The following GLIPR1 variants were observed in gnomAD, a reference collection of about 807,000 sequenced individuals.
GLIPR1 encodes the protein GLI pathogenesis related 1, also known as glioma pathogenesis-related protein 1.
Under a neutral mutation model 30.3 loss-of-function variants are expected in GLIPR1, and 38 were observed. The ratio of observed to expected loss-of-function variants is 1.26; its 90% CI spans 0.97 to 1.65. GLIPR1 has a LOEUF of 1.65. Ranked by LOEUF, GLIPR1 falls within the 40% of genes most tolerant of loss-of-function variation. The pLI is 0.00. For missense variants in GLIPR1, 285 were observed against 326.5 expected (o/e 0.87, Z 0.98); for synonymous variants, 122 against 110.6 (o/e 1.10, Z -0.65).
In GLIPR1 at chr12:75,501,843, A is replaced by C; in HGVS notation, c.*2865A>C. On this transcript the variant is annotated 3_prime_UTR_variant, in exon 6 of 6. Transcript: ENST00000266659. ...TACATTAATAAATAAAAAATATATC[A>C]GTTAAATGTATTTATAGTTAAATAA... The C allele has an allele frequency of 6.4e-7, 1 of 1,563,010 alleles. No homozygotes were observed. The highest frequency in any genetic ancestry group is 8.8e-7 in the Non-Finnish European group (1 of 1,142,688).
At position 75,501,916 on chromosome 12, in the gene GLIPR1, G is replaced by A; in HGVS notation, c.*2938G>A. The A allele has an allele frequency of 1.2e-6, 2 of 1,607,372 alleles. No individual in the cohort carries two copies. ...TATTCATGTGAGCCAGACATAAAGT[G>A]CCGTACCTTTATTGCTTCCATTTTC... On this transcript the variant is annotated 3_prime_UTR_variant, in exon 6 of 6. Coordinates refer to ENST00000266659, the MANE Select transcript of GLIPR1 (RefSeq NM_006851.3).
intron 3 of GLIPR1, chr12:75,491,160 A>G (rs1205074889): frequency 1.4e-5 from 2 of 139,248 alleles, no homozygotes; most frequent in Non-Finnish European, 3.3e-5. Context: ...AAGTGATTTT[A>G]ATCATAAAAA....
chr12:75,497,662 A>T (rs1344418481), intron 4 of GLIPR1: 1 of 152,214 alleles, frequency 6.6e-6, no homozygotes, highest in Non-Finnish European at 1.5e-5. Context: ...GCTTTTATTT[A>T]ACAGATTCCT....
chr12:75,503,591 A>T lies in GLIPR1; in HGVS notation c.*4613A>T. 5.3e-6 allele frequency: 1 copy of T among 189,504 alleles called. No individual in the cohort carries two copies. Among genetic ancestry groups the T allele is most frequent in the Non-Finnish European group, 1.1e-5 (1 of 92,530 alleles). The allele number at this position is 189,504 out of a possible 1,614,324, so 11.7% of individuals were successfully genotyped here. A position where few individuals can be genotyped will look rare whatever the true frequency, so the allele number is the denominator to read the frequency against. ...CAACCATAGAGCACACAGTCACAAT[A>T]ATGTTGCCAAATCAGAGAAAAGAGT... is the stretch of plus-strand genomic sequence containing the variant. On this transcript the variant is annotated 3_prime_UTR_variant, in exon 6 of 6. Coordinates refer to ENST00000266659, the MANE Select transcript of GLIPR1 (RefSeq NM_006851.3).
At position 75,481,028 on chromosome 12, in the gene GLIPR1, C is replaced by T. The variant is rs1228387092; in HGVS notation, c.148C>T (p.Pro50Ser). The change falls in exon 1 of 6, where the codon CCA becomes TCA. Residue 50 changes from proline to serine, a missense_variant. By Grantham distance (74) the Pro-to-Ser change is moderately conservative. Transcript: ENST00000266659. ...IHNKFRSEVK[P>S]TASDMLYMTW... ...TAACAAGTTCCGATCAGAGGTGAAA[C>T]CAACAGCCAGTGATATGCTATACAT... is the stretch of plus-strand genomic sequence containing the variant. 5.6e-6 allele frequency: 9 copies of T among 1,613,362 alleles called. No homozygotes were observed. The highest frequency in any genetic ancestry group is 7.6e-6 in the Non-Finnish European group (9 of 1,179,490).
At chr12:75,495,996 CGTT>C (rs1298024487) in intron 4 of GLIPR1, 1 of 125,058 alleles carries the variant, frequency 8.0e-6, no homozygotes, top group Non-Finnish European at 1.7e-5. Flanking sequence ...ATTCTGTTTT[CGTT>C]TTTTTTTTTG....
At chr12:75,491,187 TA>T (rs1453522771) in intron 3 of GLIPR1, 1 of 152,254 alleles carries the variant, frequency 6.6e-6, no homozygotes, top group Non-Finnish European at 1.5e-5. Flanking sequence ...ATTGTTTATA[TA>T]ATGCTTACAA....
chr12:75,497,706 AATTCCTTCGTGGT>A (rs1178111498), intron 4 of GLIPR1: 6 of 152,100 alleles, frequency 3.9e-5, no homozygotes, highest in East Asian at 1.9e-4. Context: ...CTGGAGCATA[AATTCCTTCGTGGT>A]ATTCCTTCGT....
Position 75,500,465 on chromosome 12 carries a change from A to G in GLIPR1, c.*1487A>G, listed in dbSNP as rs560454244. On this transcript the variant is annotated 3_prime_UTR_variant, in exon 6 of 6. Coordinates refer to ENST00000266659, the MANE Select transcript of GLIPR1 (RefSeq NM_006851.3). Reference sequence around the variant, plus strand: ...AAAATTTAAAGTTTTCCAAATATTAATTCAATATTAATTGAATATTCAATG... The same window carrying G: ...AAAATTTAAAGTTTTCCAAATATTAGTTCAATATTAATTGAATATTCAATG... 2 of 146,926 alleles carry G rather than the reference A, an allele frequency of 1.4e-5. No individual in the cohort carries two copies. The highest frequency in any genetic ancestry group is 4.5e-4 in the South Asian group (2 of 4,446). The allele number at this position is 146,926 out of a possible 1,614,324, so 9.1% of individuals were successfully genotyped here.
chr12:75,485,449 T>G (rs530309837), intron 2 of GLIPR1, among the ~76,000 whole-genome samples: 2 of 152,318 alleles, frequency 1.3e-5, no homozygotes, highest in Non-Finnish European at 2.9e-5. Context: ...TTGATAGTGC[T>G]AGGATTTCTC....
chr12:75,500,094 G>GTATAAAATAT lies in GLIPR1; in HGVS notation c.*1117_*1126dup, dbSNP rs1202032187. 7.2e-5 allele frequency: 41 copies of GTATAAAATAT among 566,838 alleles called. No individual in the cohort carries two copies. In the Middle Eastern group the frequency reaches 1.9e-3, roughly 27 times the overall value. The allele number at this position is 566,838 out of a possible 1,614,324, so 35.1% of individuals were successfully genotyped here. On this transcript the variant is annotated 3_prime_UTR_variant, in exon 6 of 6. Transcript: ENST00000266659. Reference sequence around the variant, plus strand: ...ATTGAATAATTGAAAGGTGATCACAGTATAAAATATAAAAACACTTGCCTA... The same window carrying GTATAAAATAT: ...ATTGAATAATTGAAAGGTGATCACAGTATAAAATATTATAAAATATAAAAACACTTGCCTA...
chr12:75,481,091 C>T (rs1455069857), intron 1 of GLIPR1, 37 bp downstream of exon 1: 1 of 1,503,302 alleles, frequency 6.7e-7, no homozygotes, highest in East Asian at 2.3e-5. Flanking sequence ...GTCAGTCAGT[C>T]AGAAACAACT....
intron 3 of GLIPR1, 34 bp downstream of exon 3, chr12:75,490,552 GCCC>G (rs10656645): frequency 3.7e-4 from 3 of 8,144 alleles, no homozygotes; most frequent in Admixed American, 2.8e-3. Context: ...TATAGGAAAC[GCCC>G]CCCCCCCCCC....
At chr12:75,494,474 T>C (rs1227188181) in intron 3 of GLIPR1, 8 of 152,172 alleles carry the variant, frequency 5.3e-5, no homozygotes, top group African/African-American at 1.9e-4. Context: ...CATCACTGCA[T>C]TGAAACTAAT....
At position 75,481,233 on chromosome 12, in the gene GLIPR1, T is replaced by A. The variant is rs913898627; in HGVS notation, c.174+179T>A. 7 of 448,338 alleles carry A rather than the reference T, an allele frequency of 1.6e-5. No individual in the cohort carries two copies. The Admixed American group carries it at 2.4e-4, about 16-fold the overall frequency. 27.8% of individuals were successfully genotyped at this position (448,338 alleles called of 1,614,324 possible). A position where few individuals can be genotyped will look rare whatever the true frequency, so the allele number is the denominator to read the frequency against. ...AGTTTAGCTCTGTCTACCCAACTGT[T>A]GTTATAAGCAAGTGCCACAGCACAT... On this transcript the variant is annotated intron_variant, in intron 1 of 5. Transcript: ENST00000266659.
chr12:75,491,366 T>C (rs983878449), intron 3 of GLIPR1: 2 of 152,202 alleles, frequency 1.3e-5, no homozygotes, highest in Admixed American at 6.5e-5. Flanking sequence ...CTGATGGACT[T>C]TGATCTGGCT....
rs1047509951 is a variant in GLIPR1 at position 75,500,234 on chromosome 12, T to C, written c.*1256T>C. The C allele has an allele frequency of 5.0e-6, 1 of 200,420 alleles. No homozygotes were observed. The highest frequency in any genetic ancestry group is 2.3e-5 in the African/African-American group (1 of 43,034). 12.4% of individuals were successfully genotyped at this position (200,420 alleles called of 1,614,324 possible). The stretch of plus-strand genomic sequence containing the variant: ...GGCATAATTGAACCAATTACTGGAT[T>C]CAACTATATTAAGACTATTTCCTTA... On this transcript the variant is annotated 3_prime_UTR_variant, in exon 6 of 6. Coordinates refer to ENST00000266659, the MANE Select transcript of GLIPR1 (RefSeq NM_006851.3).
At chr12:75,487,526 G>GAGC (rs1312056697) in intron 2 of GLIPR1, among the ~76,000 whole-genome samples, 1 of 152,118 alleles carries the variant, frequency 6.6e-6, no homozygotes, top group Non-Finnish European at 1.5e-5. Flanking sequence ...TGTTTCTAGG[G>GAGC]AGCACCCCTT....
At chr12:75,482,483 A>G (rs1336646684) in intron 2 of GLIPR1, among the ~76,000 whole-genome samples, 1 of 152,216 alleles carries the variant, frequency 6.6e-6, no homozygotes, top group East Asian at 1.9e-4. Flanking sequence ...CAGAAACATC[A>G]ATAAGAACTG....
Sources: allele counts gnomAD v4.1 joint callset (sites outside exome capture counted in the v4.1 genomes callset), GRCh38; gene constraint gnomAD v4.1.1; transcripts MANE v1.5; gene names NCBI Gene and HGNC (gene_info 2026-07-23, HGNC 2026-07-21).